Variants in TLK2 observed in about 807,000 individuals in gnomAD.
TLK2 encodes the protein tousled like kinase 2.
TLK2 carries 6 observed loss-of-function variants against 117.3 expected under a neutral mutation model. That is an observed-to-expected ratio of 0.05 (90% CI 0.03 to 0.10). TLK2 has a LOEUF of 0.10. Among genes scored for constraint, TLK2 ranks in the 10% least tolerant of loss-of-function variants. TLK2 has a pLI of 1.00. For synonymous variants in TLK2, 257 were observed against 316.7 expected (o/e 0.81, Z 2.00); for missense variants, 299 against 901.2 (o/e 0.33, Z 8.56).
At chr17:62,597,711 A>G (rs1271412095) in intron 17 of TLK2, among the ~76,000 whole-genome samples, 2 of 152,222 alleles carry the variant, frequency 1.3e-5, no homozygotes, top group Non-Finnish European at 2.9e-5. Context: ...CAGCCTTTTC[A>G]TTTTATAGGT....
chr17:62,596,562 T>C, intron 16 of TLK2, 23 bp from the exon 17 acceptor site: 1 of 1,595,948 alleles, frequency 6.3e-7, no homozygotes, highest in East Asian at 2.2e-5. Flanking sequence ...TACCTTCTTG[T>C]TAATTTTCCC....
chr17:62,543,000 T>A (rs1026339451), intron 7 of TLK2, among the ~76,000 whole-genome samples: 1 of 152,248 alleles, frequency 6.6e-6, no homozygotes, highest in Non-Finnish European at 1.5e-5. Context: ...TAGAACTTTC[T>A]TATCATCTGT....
chr17:62,480,140 G>C (rs1198922054), intron 1 of TLK2, among the ~76,000 whole-genome samples: 3 of 152,206 alleles, frequency 2.0e-5, no homozygotes, highest in African/African-American at 7.2e-5. Flanking sequence ...TGTTACTGGA[G>C]ATTGTAGAGT....
intron 2 of TLK2, among the ~76,000 whole-genome samples, chr17:62,487,437 T>G (rs1390326399): frequency 2.0e-5 from 3 of 150,416 alleles, no homozygotes; most frequent in Non-Finnish European, 4.4e-5. Flanking sequence ...GAGAATTGCT[T>G]GAACGTGGGA....
At position 62,615,434 on chromosome 17, in the gene TLK2, G is replaced by A. The variant is rs2084049807; in HGVS notation, c.*2869G>A. On this transcript the variant is annotated 3_prime_UTR_variant, in exon 22 of 22. Transcript: ENST00000346027. The stretch of plus-strand genomic sequence containing the variant: ...CAGATTGTTTTAGCCTTTTCCCAAT[G>A]GGGTGGGGGAGGGAAGAAGGATATT... 1 of 152,182 alleles carries A rather than the reference G, an allele frequency of 6.6e-6. No individual in the cohort carries two copies. The allele number at this position is 152,182 out of a possible 1,614,324, so 9.4% of individuals were successfully genotyped here.
At chr17:62,534,563 T>A (rs1243640763) in intron 6 of TLK2, among the ~76,000 whole-genome samples, 1 of 152,208 alleles carries the variant, frequency 6.6e-6, no homozygotes, top group African/African-American at 2.4e-5. Context: ...AGTGTATTTA[T>A]TTTGTATTTG....
intron 16 of TLK2, among the ~76,000 whole-genome samples, chr17:62,595,621 G>T (rs1016958555): frequency 6.7e-6 from 1 of 149,954 alleles, no homozygotes; most frequent in African/African-American, 2.5e-5. Context: ...ATGGGACCCC[G>T]TCATATGTGT....
At position 62,576,763 on chromosome 17, in the gene TLK2, T is replaced by G; in HGVS notation, c.1176T>G (p.Gly392=). Reference sequence around the variant, plus strand: ...AAGAAATCTTCAAACTCAGATTAGGTCATCTTAAAAAGGTAAGTATAATGA... The same window carrying G: ...AAGAAATCTTCAAACTCAGATTAGGGCATCTTAAAAAGGTAAGTATAATGA... ...EQEEIFKLRL[G]HLKKEEAEIQ... The change falls in exon 13 of 22, where the codon GGT becomes GGG. Residue 392 remains glycine (G), a synonymous_variant. Transcript: ENST00000346027. The G allele has an allele frequency of 6.2e-7, 1 of 1,612,204 alleles. No individual in the cohort carries two copies. The highest frequency in any genetic ancestry group is 8.5e-7 in the Non-Finnish European group (1 of 1,178,514).
intron 7 of TLK2, among the ~76,000 whole-genome samples, chr17:62,540,928 T>TAC (rs2077483049): frequency 6.6e-6 from 1 of 152,146 alleles, no homozygotes; most frequent in African/African-American, 2.4e-5. Flanking sequence ...CCCTGACATG[T>TAC]TTTACTACCA....
rs2083952813 is a variant in TLK2, at chr17:62,613,876, A to T, written c.*1311A>T. On this transcript the variant is annotated 3_prime_UTR_variant, in exon 22 of 22. Transcript: ENST00000346027. ...CCTGGTGGTTCACGCCTGTAATCCC[A>T]GCACTTTGGGAGGCCGAGGTGGGTG... is the stretch of plus-strand genomic sequence containing the variant. 6.6e-6 allele frequency: 1 copy of T among 152,234 alleles called. No individual in the cohort carries two copies. The highest frequency in any genetic ancestry group is 2.4e-5 in the African/African-American group (1 of 41,458). 9.4% of individuals were successfully genotyped at this position (152,234 alleles called of 1,614,324 possible).
intron 2 of TLK2, among the ~76,000 whole-genome samples, chr17:62,513,952 G>T (rs2075358413): frequency 6.6e-6 from 1 of 151,992 alleles, no homozygotes; most frequent in Non-Finnish European, 1.5e-5. Flanking sequence ...CACCCAAAGT[G>T]TTGGGATTAC....
intron 2 of TLK2, among the ~76,000 whole-genome samples, chr17:62,492,560 C>T (rs865785121): frequency 2.0e-5 from 3 of 151,834 alleles, no homozygotes; most frequent in East Asian, 1.9e-4. Flanking sequence ...CAGGTTCAAG[C>T]GATTCTCCTG....
intron 4 of TLK2, among the ~76,000 whole-genome samples, chr17:62,522,505 C>G (rs2076113279): frequency 6.6e-6 from 1 of 152,188 alleles, no homozygotes; most frequent in African/African-American, 2.4e-5. Context: ...AGCTAACAAT[C>G]TTCTTAACCA....
chr17:62,477,518 G>A (rs184511728), upstream of TLK2: 104 of 152,338 alleles, frequency 6.8e-4, 1 homozygote, highest in African/African-American at 2.4e-3. Flanking sequence ...TTAAAATATG[G>A]AAGAATTAAG....
chr17:62,611,490 G>A (rs901237954), intron 21 of TLK2, among the ~76,000 whole-genome samples: 1 of 151,998 alleles, frequency 6.6e-6, no homozygotes, highest in Non-Finnish European at 1.5e-5. Context: ...CCCTTATACC[G>A]CCTGCTGTAC....
intron 9 of TLK2, among the ~76,000 whole-genome samples, chr17:62,557,902 G>A (rs987710177): frequency 1.3e-5 from 2 of 152,058 alleles, no homozygotes; most frequent in African/African-American, 4.8e-5. Context: ...CTACTCCGTC[G>A]TCTTCAGACT....
chr17:62,530,948 A>G (rs1174452861), intron 6 of TLK2, among the ~76,000 whole-genome samples: 1 of 151,850 alleles, frequency 6.6e-6, no homozygotes, highest in Non-Finnish European at 1.5e-5. Context: ...CTAACCCTCC[A>G]TTGTTACTAT....
At chr17:62,610,044 C>T (rs1354415452) in intron 21 of TLK2, among the ~76,000 whole-genome samples, 5 of 152,156 alleles carry the variant, frequency 3.3e-5, no homozygotes, top group Admixed American at 1.3e-4. Context: ...CACCCAGAGT[C>T]GATACTGAGG....
chr17:62,537,299 A>G (rs1177575763), intron 7 of TLK2, among the ~76,000 whole-genome samples: 10 of 152,218 alleles, frequency 6.6e-5, no homozygotes. Flanking sequence ...ATAGGAAACT[A>G]TTGTGCATGA....
Sources: gnomAD v4.1 joint callset for allele counts (sites outside exome capture counted in the v4.1 genomes callset) on GRCh38, gnomAD v4.1.1 for gene constraint, MANE v1.5 for transcripts, NCBI Gene and HGNC (gene_info 2026-07-23, HGNC 2026-07-21) for gene names.